Variants in ZSWIM5 observed in about 807,000 individuals in gnomAD.
The protein encoded by ZSWIM5 is zinc finger SWIM-type containing 5.
Under a neutral mutation model 119.6 loss-of-function variants are expected in ZSWIM5, and 55 were observed. The ratio of observed to expected loss-of-function variants is 0.46; its 90% CI spans 0.37 to 0.58. The LOEUF (loss-of-function observed/expected upper bound fraction) is 0.58, where lower values mean the gene tolerates loss of function less well. ZSWIM5 is among the 20% of genes least tolerant of loss of function. The probability of loss-of-function intolerance (pLI) is 0.00; values close to 1 mark genes in which losing one functional copy is unlikely to be tolerated. For missense variants in ZSWIM5, 1,193 were observed against 1,512.8 expected (o/e 0.79, Z 3.51); for synonymous variants, 537 against 606.9 (o/e 0.88, Z 1.69).
intron 11 of ZSWIM5, among the ~76,000 whole-genome samples, chr1:45,026,013 C>T (rs190478268): frequency 6.2e-4 from 95 of 152,258 alleles, no homozygotes; most frequent in African/African-American, 2.2e-3. Flanking sequence ...CATCTAGTTT[C>T]TCACCATTAA....
At chr1:45,190,927 A>ATTT (rs746764436) in intron 1 of ZSWIM5, among the ~76,000 whole-genome samples, 1,846 of 49,018 alleles carry the variant, frequency 0.038, 585 homozygotes, top group Middle Eastern at 0.086. Flanking sequence ...AATAGCTGGA[A>ATTT]TTTTTTTTTT....
At chr1:45,024,437 C>T (rs1433598699) in intron 11 of ZSWIM5, among the ~76,000 whole-genome samples, 1 of 151,696 alleles carries the variant, frequency 6.6e-6, no homozygotes, top group Non-Finnish European at 1.5e-5. Context: ...GGTGATCCAC[C>T]TGCCTCGACC....
chr1:45,058,822 G>T, intron 3 of ZSWIM5, 63 bp from the exon 4 acceptor site: 1 of 1,587,270 alleles, frequency 6.3e-7, no homozygotes, highest in Non-Finnish European at 8.6e-7. Flanking sequence ...GGAGGAGAAG[G>T]AAGTGGGGGA....
chr1:45,126,259 AAAAT>A (rs1309275046), intron 1 of ZSWIM5, among the ~76,000 whole-genome samples: 2 of 151,960 alleles, frequency 1.3e-5, no homozygotes, highest in Non-Finnish European at 2.9e-5. Flanking sequence ...GTTCACTGAA[AAAAT>A]AAATAAAATT....
At chr1:45,093,157 C>G (rs1010755235) in intron 1 of ZSWIM5, among the ~76,000 whole-genome samples, 1 of 152,242 alleles carries the variant, frequency 6.6e-6, no homozygotes, top group Admixed American at 6.5e-5. Flanking sequence ...TTATACCATA[C>G]TGCCTCTCCA....
At chr1:45,023,630 C>A (rs1280834287) in intron 11 of ZSWIM5, among the ~76,000 whole-genome samples, 1 of 152,012 alleles carries the variant, frequency 6.6e-6, no homozygotes, top group Non-Finnish European at 1.5e-5. Flanking sequence ...TTGGTTACCT[C>A]CAGTTTGGAG....
At chr1:45,118,376 A>C in intron 1 of ZSWIM5, among the ~76,000 whole-genome samples, 1 of 152,216 alleles carries the variant, frequency 6.6e-6, no homozygotes, top group African/African-American at 2.4e-5. Flanking sequence ...AAAAGTGAGG[A>C]ATACTTTAAT....
chr1:45,193,144 A>G (rs1212629323), intron 1 of ZSWIM5, among the ~76,000 whole-genome samples: 1 of 152,144 alleles, frequency 6.6e-6, no homozygotes, highest in East Asian at 1.9e-4. Flanking sequence ...ATTATTTGGA[A>G]GTGCTTCAGA....
At chr1:45,150,898 C>T (rs1461029839) in intron 1 of ZSWIM5, among the ~76,000 whole-genome samples, 1 of 152,188 alleles carries the variant, frequency 6.6e-6, no homozygotes, top group Non-Finnish European at 1.5e-5. Context: ...TAAACTTCCA[C>T]ATTGCCATTT....
chr1:45,061,671 A>G (rs2149001055), intron 2 of ZSWIM5, among the ~76,000 whole-genome samples: 1 of 150,586 alleles, frequency 6.6e-6, no homozygotes, highest in African/African-American at 2.4e-5. Context: ...ATGCCCACCC[A>G]GCCTGACCTA....
At chr1:45,077,547 G>A (rs1366341147) in intron 2 of ZSWIM5, among the ~76,000 whole-genome samples, 1 of 152,224 alleles carries the variant, frequency 6.6e-6, no homozygotes, top group Non-Finnish European at 1.5e-5. Flanking sequence ...CCACAGGACT[G>A]AGGCGAAATT....
intron 5 of ZSWIM5, among the ~76,000 whole-genome samples, chr1:45,047,672 T>C (rs1445864539): frequency 6.6e-6 from 1 of 152,174 alleles, no homozygotes; most frequent in Non-Finnish European, 1.5e-5. Flanking sequence ...ACTGGAGGGC[T>C]TGGATTTAGA....
At chr1:45,121,628 G>T (rs1256514308) in intron 1 of ZSWIM5, among the ~76,000 whole-genome samples, 1 of 147,252 alleles carries the variant, frequency 6.8e-6, no homozygotes, top group African/African-American at 2.5e-5. Flanking sequence ...TTGAGACAGG[G>T]TCTTGCTGTT....
intron 1 of ZSWIM5, among the ~76,000 whole-genome samples, chr1:45,153,304 C>G (rs887116405): frequency 6.6e-5 from 10 of 151,408 alleles, no homozygotes; most frequent in African/African-American, 2.4e-4. Flanking sequence ...GGCAGATTAC[C>G]CGAGGTCAGA....
intron 1 of ZSWIM5, among the ~76,000 whole-genome samples, chr1:45,179,345 A>G (rs988936847): frequency 4.6e-5 from 7 of 152,168 alleles, no homozygotes; most frequent in African/African-American, 1.7e-4. Flanking sequence ...ATGCAGAAAC[A>G]GAAATTCAAA....
In ZSWIM5 at chr1:45,018,079, T is replaced by C. The variant is rs1435374710; in HGVS notation, c.*375A>G. 3.9e-6 allele frequency: 1 copy of C among 257,892 alleles called. No individual in the cohort carries two copies. The highest frequency in any genetic ancestry group is 7.5e-6 in the Non-Finnish European group (1 of 134,112). 16.0% of individuals were successfully genotyped at this position (257,892 alleles called of 1,614,324 possible). A position where few individuals can be genotyped will look rare whatever the true frequency, so the allele number is the denominator to read the frequency against. ...CAATAATTAGCAACACATATAGTATTTACAGTCCCACAAATGTGTCTGTTT... is the reference window on the plus strand; with the variant it reads ...CAATAATTAGCAACACATATAGTATCTACAGTCCCACAAATGTGTCTGTTT... On this transcript the variant is annotated 3_prime_UTR_variant, in exon 14 of 14. Transcript: ENST00000359600. The surrounding 1 kb of genome is among the most constrained non-coding windows in gnomAD (Gnocchi z 6.7).
chr1:45,163,866 G>A (rs1408759977), intron 1 of ZSWIM5, among the ~76,000 whole-genome samples: 2 of 151,974 alleles, frequency 1.3e-5, no homozygotes, highest in African/African-American at 4.8e-5. Flanking sequence ...AAAGTGACAG[G>A]GAGAATGGAA....
At chr1:45,028,682 G>A (rs995521962) in intron 11 of ZSWIM5, among the ~76,000 whole-genome samples, 14 of 152,186 alleles carry the variant, frequency 9.2e-5, no homozygotes, top group Non-Finnish European at 7.4e-5. Flanking sequence ...TTTGAACTCC[G>A]GGCACAGGGG....
intron 1 of ZSWIM5, among the ~76,000 whole-genome samples, chr1:45,121,168 G>T (rs1645589460): frequency 6.6e-6 from 1 of 152,130 alleles, no homozygotes; most frequent in Admixed American, 6.5e-5. Context: ...AGCCAGGATG[G>T]TCTCGATCTC....
Sources: allele counts gnomAD v4.1 joint callset (sites outside exome capture counted in the v4.1 genomes callset), GRCh38; gene constraint gnomAD v4.1.1; non-coding constraint Gnocchi (gnomAD v3.1); transcripts MANE v1.5; gene names NCBI Gene and HGNC (gene_info 2026-07-23, HGNC 2026-07-21).